The following UBR3 variants were observed in gnomAD, a reference collection of about 807,000 sequenced individuals.
UBR3 encodes E3 ubiquitin-protein ligase UBR3.
Under a neutral mutation model 243.2 loss-of-function variants are expected in UBR3, and 85 were observed. That is an observed-to-expected ratio of 0.35 (90% CI 0.29 to 0.42). The LOEUF is 0.42. Among genes scored for constraint, UBR3 ranks in the 10% least tolerant of loss-of-function variants. The probability of loss-of-function intolerance (pLI) is 1.00; values close to 1 mark genes in which losing one functional copy is unlikely to be tolerated. For missense variants in UBR3, 1,686 were observed against 2,300.8 expected (o/e 0.73, Z 5.47); for synonymous variants, 748 against 799.8 (o/e 0.94, Z 1.09).
At chr2:169,913,276 G>A (rs540820644) in intron 10 of UBR3, among the ~76,000 whole-genome samples, 1 of 150,750 alleles carries the variant, frequency 6.6e-6, no homozygotes, top group South Asian at 2.1e-4. Context: ...ATCTTTGTAT[G>A]TGCTTATTAG....
chr2:169,993,917 C>T (rs779068351), intron 25 of UBR3, among the ~76,000 whole-genome samples: 2 of 152,234 alleles, frequency 1.3e-5, no homozygotes, highest in African/African-American at 4.8e-5. Flanking sequence ...CACATCCTTC[C>T]GGGCTCACCT....
chr2:170,025,912 T>C (rs1287887781), intron 30 of UBR3, among the ~76,000 whole-genome samples: 1 of 152,088 alleles, frequency 6.6e-6, no homozygotes, highest in Non-Finnish European at 1.5e-5. Context: ...GAAATTAACA[T>C]TGGAGCTGGG....
chr2:169,990,716 TACACACACAC>T (rs147119929), intron 25 of UBR3, among the ~76,000 whole-genome samples: 1 of 141,972 alleles, frequency 7.0e-6, no homozygotes, highest in Non-Finnish European at 1.6e-5. Context: ...AAAAAAGTTA[TACACACACAC>T]ACACACACAC....
At chr2:170,005,122 G>T (rs906678075) in intron 27 of UBR3, among the ~76,000 whole-genome samples, 1 of 152,182 alleles carries the variant, frequency 6.6e-6, no homozygotes, top group East Asian at 1.9e-4. Context: ...TACTCAGGAG[G>T]CTGAGGCAGG....
intron 8 of UBR3, among the ~76,000 whole-genome samples, chr2:169,900,445 C>G (rs559304233): frequency 6.6e-6 from 1 of 152,270 alleles, no homozygotes; most frequent in South Asian, 2.1e-4. Flanking sequence ...TGTAGGTTGC[C>G]TGTTCACTCT....
chr2:169,998,443 G>T (rs2089576415), intron 26 of UBR3, among the ~76,000 whole-genome samples: 1 of 152,122 alleles, frequency 6.6e-6, no homozygotes, highest in South Asian at 2.1e-4. Context: ...CATTACTTTT[G>T]TATGCTTTTA....
chr2:170,034,575 AT>A (rs1458913874), intron 31 of UBR3, among the ~76,000 whole-genome samples: 6 of 152,016 alleles, frequency 3.9e-5, no homozygotes, highest in African/African-American at 1.4e-4. Context: ...TTCATCACCT[AT>A]TGAAGGACAT....
intron 1 of UBR3, among the ~76,000 whole-genome samples, chr2:169,841,704 T>G (rs1045529773): frequency 1.3e-5 from 2 of 152,050 alleles, no homozygotes; most frequent in Non-Finnish European, 2.9e-5. Context: ...GTGTACTGAG[T>G]CCCCCAGCAG....
intron 24 of UBR3, among the ~76,000 whole-genome samples, chr2:169,973,899 A>T (rs1293733383): frequency 6.6e-6 from 1 of 152,206 alleles, no homozygotes; most frequent in Non-Finnish European, 1.5e-5. Flanking sequence ...GAGGGTTATC[A>T]TGAAGGGATG....
At chr2:169,967,841 G>T (rs1014962699) in intron 24 of UBR3, among the ~76,000 whole-genome samples, 1 of 151,950 alleles carries the variant, frequency 6.6e-6, no homozygotes, top group East Asian at 1.9e-4. Flanking sequence ...TATATAAGAA[G>T]TAGGGCTGGA....
intron 24 of UBR3, among the ~76,000 whole-genome samples, chr2:169,965,833 A>T (rs2087781506): frequency 6.6e-6 from 1 of 152,192 alleles, no homozygotes; most frequent in African/African-American, 2.4e-5. Flanking sequence ...GAAACCATGG[A>T]AAGTGAAATC....
intron 24 of UBR3, among the ~76,000 whole-genome samples, chr2:169,977,662 T>A (rs1430480234): frequency 6.6e-6 from 1 of 152,172 alleles, no homozygotes; most frequent in African/African-American, 2.4e-5. Context: ...GTTCTAGCTT[T>A]ACCCACAGTC....
At chr2:169,904,204 T>G (rs2084930704) in intron 8 of UBR3, among the ~76,000 whole-genome samples, 1 of 152,218 alleles carries the variant, frequency 6.6e-6, no homozygotes, top group Admixed American at 6.5e-5. Context: ...TACCTCTCTG[T>G]GCTTTCATAT....
intron 33 of UBR3, among the ~76,000 whole-genome samples, chr2:170,058,518 T>A (rs1041059640): frequency 7.8e-5 from 10 of 128,912 alleles, no homozygotes; most frequent in Non-Finnish European, 1.3e-4. Flanking sequence ...TCTTATCTTT[T>A]CTTCCTTTTT....
intron 30 of UBR3, among the ~76,000 whole-genome samples, chr2:170,017,532 CACACACACACACA>C (rs2090274924): frequency 2.3e-5 from 1 of 43,480 alleles, no homozygotes; most frequent in African/African-American, 7.8e-5. Flanking sequence ...GACACACACA[CACACACACACACA>C]GACACACACA....
Position 170,001,296 on chromosome 2 carries a change from T to C in UBR3, c.3919-8T>C. On this transcript the variant is annotated splice_region_variant and splice_polypyrimidine_tract_variant and intron_variant, in intron 26 of 38. Transcript: ENST00000272793. ...ATTAATTGTATTTGTCTTCTTTTTA[T>C]TTTGAAGAGTTCATGTCTCTTGGCA... 1 of 1,586,806 alleles carries C rather than the reference T, an allele frequency of 6.3e-7. No individual in the cohort carries two copies. Among genetic ancestry groups the C allele is most frequent in the Non-Finnish European group, 8.6e-7 (1 of 1,157,136 alleles).
intron 10 of UBR3, among the ~76,000 whole-genome samples, chr2:169,910,809 G>A (rs991180432): frequency 2.6e-5 from 4 of 152,092 alleles, no homozygotes; most frequent in South Asian, 2.1e-4. Context: ...ATAAGTAGAC[G>A]CTGAATTTGA....
chr2:169,838,739 A>G (rs1412784474), intron 1 of UBR3, among the ~76,000 whole-genome samples: 1 of 152,162 alleles, frequency 6.6e-6, no homozygotes, highest in East Asian at 1.9e-4. Context: ...AGAAGTCTTA[A>G]CTTGTTCTAG....
intron 24 of UBR3, among the ~76,000 whole-genome samples, chr2:169,983,024 T>G (rs2088813021): frequency 6.6e-6 from 1 of 152,098 alleles, no homozygotes; most frequent in South Asian, 2.1e-4. Flanking sequence ...ATTTGGTCTC[T>G]CCTCCTCTGG....
Sources: gnomAD v4.1 joint callset for allele counts (sites outside exome capture counted in the v4.1 genomes callset) on GRCh38, gnomAD v4.1.1 for gene constraint, MANE v1.5 for transcripts, NCBI Gene and HGNC (gene_info 2026-07-23, HGNC 2026-07-21) for gene names.